SHKBP1: variants seen among roughly 807,000 people sequenced by gnomAD.
SHKBP1 encodes the protein SH3KBP1 binding protein 1, also known as SH3KBP1-binding protein 1.
SHKBP1 carries 71 observed loss-of-function variants against 83.9 expected under a neutral mutation model. The ratio of observed to expected loss-of-function variants is 0.85; its 90% CI spans 0.70 to 1.03. The LOEUF (loss-of-function observed/expected upper bound fraction) is 1.03. Among genes scored for constraint, SHKBP1 ranks in the 50% least tolerant of loss-of-function variants. The pLI, the probability that SHKBP1 is intolerant of heterozygous loss-of-function variation, is 0.00. For missense variants in SHKBP1, 824 were observed against 982.4 expected, an observed-to-expected ratio of 0.84 and a Z score of 2.16; for synonymous variants, 371 against 398.0, an observed-to-expected ratio of 0.93 and a Z score of 0.81.
chr19:40,582,334 CT>C lies in SHKBP1; in HGVS notation c.845-12del. 1 of 1,610,062 alleles carries C rather than the reference CT, an allele frequency of 6.2e-7. No homozygotes were observed. The highest frequency in any genetic ancestry group is 1.7e-5 in the Admixed American group (1 of 59,972). ...CATGAGGCAGGGTTCCAGCTGAGCCCTTTTTGCCCACTGCAGGGGTCTTTCA... is the reference window on the plus strand; with the variant it reads ...CATGAGGCAGGGTTCCAGCTGAGCCCTTTTGCCCACTGCAGGGGTCTTTCA... On this transcript the variant is annotated splice_polypyrimidine_tract_variant and intron_variant, in intron 9 of 17. Transcript: ENST00000291842.
rs759897287 is a variant in SHKBP1 at position 40,590,254 on chromosome 19, G to A, written c.1600G>A (p.Val534Met). 25 of 1,592,352 alleles carry A rather than the reference G, an allele frequency of 1.6e-5. No individual in the cohort carries two copies. Among genetic ancestry groups the A allele is most frequent in the Admixed American group, 1.0e-4 (6 of 57,760 alleles). ...CACTGCACCCCCCAGGGTGTGCTCCGTGCGCTCCGTGGACGGCTCACCCAC... is the reference window on the plus strand; with the variant it reads ...CACTGCACCCCCCAGGGTGTGCTCCATGCGCTCCGTGGACGGCTCACCCAC... ...LSSTGQRVCS[V>M]RSVDGSPTTA... The change falls in exon 16 of 18, where the codon GTG becomes ATG. Residue 534 changes from valine (V) to methionine (M), a missense_variant. Around this residue, in one of 3 missense-constraint regions of SHKBP1, gnomAD observed 287 missense variants for 322.9 expected, o/e 0.89. Coordinates refer to ENST00000291842, the MANE Select transcript of SHKBP1 (RefSeq NM_138392.4). The surrounding 1 kb of genome is among the most constrained non-coding windows in gnomAD (Gnocchi z 4.6).
At chr19:40,577,656 T>A (rs776121150) in intron 4 of SHKBP1, 26 bp downstream of exon 4, 2 of 1,610,796 alleles carry the variant, frequency 1.2e-6, no homozygotes, top group Non-Finnish European at 1.7e-6. Context: ...GGGGAGGGAG[T>A]CCCTCACTGT....
At position 40,590,630 on chromosome 19, in the gene SHKBP1, C is replaced by A; in HGVS notation, c.1769-100C>A. ...CCCCATGCATTGATCTCTGCTTCCT[C>A]TCTCCTGTCCTGACCCTCGGTGCTT... On this transcript the variant is annotated intron_variant, in intron 16 of 17. Coordinates refer to ENST00000291842, the MANE Select transcript of SHKBP1 (RefSeq NM_138392.4). The surrounding 1 kb of genome is among the most constrained non-coding windows in gnomAD (Gnocchi z 4.6). 6.9e-7 allele frequency: 1 copy of A among 1,441,500 alleles called. No individual in the cohort carries two copies. Among genetic ancestry groups the A allele is most frequent in the Non-Finnish European group, 9.3e-7 (1 of 1,073,044 alleles). The allele number at this position is 1,441,500 out of a possible 1,614,324, so 89.3% of individuals were successfully genotyped here.
chr19:40,579,505 T>TA (rs747727733), intron 6 of SHKBP1, among the ~76,000 whole-genome samples: 197 of 150,834 alleles, frequency 1.3e-3, no homozygotes, highest in East Asian at 2.7e-3. Context: ...CTACTAAAAA[T>TA]AAAAAAAAAT....
intron 1 of SHKBP1, 99 bp downstream of exon 1, chr19:40,577,084 T>TC (rs2081219706): frequency 2.0e-6 from 2 of 975,896 alleles, no homozygotes; most frequent in Non-Finnish European, 1.4e-6. Context: ...CAAGGGTTGC[T>TC]CCGCCCCCCC....
chr19:40,581,235 G>T (rs1416312308), intron 9 of SHKBP1, among the ~76,000 whole-genome samples: 1 of 152,154 alleles, frequency 6.6e-6, no homozygotes, highest in Non-Finnish European at 1.5e-5. Context: ...ACTTGGCCCG[G>T]TGCGGTGGCT....
At chr19:40,589,497 CA>C (rs1319206691) in intron 15 of SHKBP1, among the ~76,000 whole-genome samples, 2 of 41,172 alleles carry the variant, frequency 4.9e-5, no homozygotes, top group Non-Finnish European at 9.3e-5. Flanking sequence ...GATGGGGGCC[CA>C]GGGGGAGAGG....
At chr19:40,581,779 G>C (rs938439990) in intron 9 of SHKBP1, among the ~76,000 whole-genome samples, 1 of 152,140 alleles carries the variant, frequency 6.6e-6, no homozygotes, top group Non-Finnish European at 1.5e-5. Context: ...CTCAGCCCTC[G>C]TAAGAATCCC....
intron 9 of SHKBP1, 135 bp downstream of exon 9, chr19:40,581,071 C>G (rs2081266169): frequency 2.3e-6 from 2 of 856,746 alleles, no homozygotes; most frequent in Non-Finnish European, 3.3e-6. Flanking sequence ...TTAGAATGCT[C>G]CAGCCCTTCA....
rs369472940 is a variant in SHKBP1, at chr19:40,591,116, G to C, written c.2033G>C (p.Arg678Pro). Reference protein sequence around the residue: ...QELVRSGPDLRRPPTPAPWPS... With the variant: ...QELVRSGPDLPRPPTPAPWPS... ...CTGGTGCGGAGTGGGCCAGACCTCC[G>C]ACGGCCACCCACACCAGCCCCGTGG... is the stretch of plus-strand genomic sequence containing the variant. The change falls in exon 18 of 18, where the codon CGA becomes CCA. Residue 678 changes from arginine (R) to proline (P), a missense_variant. This residue lies in a region of SHKBP1 where 287 missense variants were observed against 322.9 expected (regional missense o/e 0.89). Coordinates refer to ENST00000291842, the MANE Select transcript of SHKBP1 (RefSeq NM_138392.4). 1.9e-6 allele frequency: 3 copies of C among 1,609,420 alleles called. No homozygotes were observed. Among genetic ancestry groups the C allele is most frequent in the East Asian group, 2.2e-5 (1 of 44,694 alleles).
chr19:40,588,912 C>A (rs1283899481), intron 14 of SHKBP1, 133 bp downstream of exon 14: 6 of 1,349,504 alleles, frequency 4.4e-6, no homozygotes, highest in Non-Finnish European at 1.0e-6. Context: ...CCTTGAGGCA[C>A]CTGAGCTCCA....
chr19:40,577,087 GCCCC>G, intron 1 of SHKBP1, 102 bp downstream of exon 1: 2 of 1,047,912 alleles, frequency 1.9e-6, no homozygotes, highest in African/African-American at 1.6e-5. Flanking sequence ...GGGTTGCTCC[GCCCC>G]CCCCCCCTTT....
Position 40,588,678 on chromosome 19 carries a change from T to A in SHKBP1, c.1391T>A (p.Met464Lys). The change falls in exon 14 of 18, where the codon ATG (methionine) becomes AAG (lysine). Residue 464 changes from methionine to lysine, a missense_variant. Around this residue, in one of 3 missense-constraint regions of SHKBP1, gnomAD observed 182 missense variants for 273.1 expected, o/e 0.67. Transcript: ENST00000291842. ...TGGTCTGTGACTCGCTTCCGCGGCA[T>A]GATTTCCACCCAGCCCGGCTCCACC... ...RTWSVTRFRG[M>K]ISTQPGSTPL... The A allele has an allele frequency of 6.2e-7, 1 of 1,614,184 alleles. No homozygotes were observed. The highest frequency in any genetic ancestry group is 8.5e-7 in the Non-Finnish European group (1 of 1,180,030).
At chr19:40,577,770 G>T (rs2145974736) in intron 4 of SHKBP1, 140 bp downstream of exon 4, 2 of 1,052,684 alleles carry the variant, frequency 1.9e-6, no homozygotes, top group East Asian at 2.5e-5. Context: ...GGCGCGCCGG[G>T]ATTGCTCACG....
intron 13 of SHKBP1, among the ~76,000 whole-genome samples, chr19:40,588,357 A>G (rs1243643981): frequency 6.6e-6 from 1 of 152,186 alleles, no homozygotes; most frequent in Non-Finnish European, 1.5e-5. Context: ...GGGCGTGCTG[A>G]TACGGTCCAG....
chr19:40,587,492 G>A lies in SHKBP1; in HGVS notation c.1336+548G>A, dbSNP rs546168770. Among the ~76,000 whole-genome samples the A allele has an allele frequency of 3.2e-3, 487 of 152,310 alleles. 2 individuals are homozygous for A. The highest frequency in any genetic ancestry group is 0.011 in the African/African-American group (465 of 41,556). The stretch of plus-strand genomic sequence containing the variant: ...TGTAATCCCCGCTACTCGGGAGGCC[G>A]AGGGAGGAGAATTGCTTGAACCTGG... On this transcript the variant is annotated intron_variant, in intron 13 of 17. Transcript: ENST00000291842.
intron 1 of SHKBP1, 122 bp from the exon 2 acceptor site, chr19:40,577,109 C>G: frequency 7.3e-7 from 1 of 1,372,804 alleles, no homozygotes; most frequent in Non-Finnish European, 1.0e-6. Context: ...TTTGGAGGCG[C>G]GAGATTCTGG....
chr19:40,587,047 A>G, intron 13 of SHKBP1, 103 bp downstream of exon 13: 1 of 1,127,532 alleles, frequency 8.9e-7, no homozygotes, highest in Non-Finnish European at 1.3e-6. Context: ...TTGTGTAGGA[A>G]GAGAGCTCTG....
rs746284828 is a variant in SHKBP1 at position 40,580,888 on chromosome 19, G to A, written c.796G>A (p.Glu266Lys). ...DKMVAAATGS[E>K]ILLWALQAEG... ...GATGGTGGCAGCAGCCACCGGCAGC[G>A]AGATCCTGCTATGGGCTCTGCAGGC... Residue 266 changes from glutamate to lysine, a missense_variant, in exon 9 of 18, where the codon GAG becomes AAG. This residue lies in a region of SHKBP1 where 355 missense variants were observed against 386.4 expected (regional missense o/e 0.92). Transcript: ENST00000291842. The A allele has an allele frequency of 2.5e-5, 41 of 1,610,296 alleles. No homozygotes were observed. Among genetic ancestry groups the A allele is most frequent in the East Asian group, 6.7e-5 (3 of 44,836 alleles).
Sources: gnomAD v4.1 joint callset for allele counts (sites outside exome capture counted in the v4.1 genomes callset) on GRCh38, gnomAD v4.1.1 for gene constraint, gnomAD v4.1.1 regional missense constraint, Gnocchi (gnomAD v3.1) non-coding constraint, MANE v1.5 for transcripts, NCBI Gene and HGNC (gene_info 2026-07-23, HGNC 2026-07-21) for gene names.